KIF15: variants seen among roughly 807,000 people sequenced by gnomAD.
The protein encoded by KIF15 is kinesin family member 15, also known as kinesin-like protein KIF15.
A neutral mutation model predicts 190.6 loss-of-function variants in KIF15; 140 were observed. The ratio of observed to expected loss-of-function variants is 0.73; its 90% CI spans 0.64 to 0.84. KIF15 has a LOEUF of 0.84. Ranked by LOEUF, KIF15 falls within the 40% of genes least tolerant of loss-of-function variation. The pLI is 0.00. For missense variants in KIF15, 1,372 were observed against 1,584.4 expected (o/e 0.87, Z 2.28); for synonymous variants, 528 against 551.3 (o/e 0.96, Z 0.59).
intron 32 of KIF15, among the ~76,000 whole-genome samples, chr3:44,849,873 G>A (rs574844962): frequency 6.6e-6 from 1 of 152,144 alleles, no homozygotes; most frequent in Non-Finnish European, 1.5e-5. Flanking sequence ...ATTTTTATAA[G>A]TAATTATTAT....
intron 1 of KIF15, among the ~76,000 whole-genome samples, chr3:44,765,260 A>G (rs1270123041): frequency 6.6e-6 from 1 of 152,270 alleles, no homozygotes; most frequent in Non-Finnish European, 1.5e-5. Flanking sequence ...ACATAAGTGC[A>G]GATCAGTATC....
At chr3:44,808,186 A>T (rs1010062333) in intron 16 of KIF15, among the ~76,000 whole-genome samples, 1 of 152,216 alleles carries the variant, frequency 6.6e-6, no homozygotes, top group African/African-American at 2.4e-5. Flanking sequence ...CTTGCAGAAT[A>T]CTGCCAAATG....
At chr3:44,775,094 C>G (rs1379364790) in intron 2 of KIF15, among the ~76,000 whole-genome samples, 160 bp from the exon 3 acceptor site, 1 of 150,080 alleles carries the variant, frequency 6.7e-6, no homozygotes, top group Non-Finnish European at 1.5e-5. Context: ...GAATGAAACT[C>G]CATCTCAAAA....
chr3:44,793,854 A>ATTCTTGT (rs1462473453), intron 7 of KIF15, among the ~76,000 whole-genome samples: 1 of 143,966 alleles, frequency 6.9e-6, no homozygotes, highest in Non-Finnish European at 1.5e-5. Context: ...AAGTGTACCT[A>ATTCTTGT]TTCTTGTTCC....
At chr3:44,821,327 C>T (rs189655646) in intron 20 of KIF15, among the ~76,000 whole-genome samples, 2,804 of 150,928 alleles carry the variant, frequency 0.019, 78 homozygotes, top group African/African-American at 0.063. Context: ...CCTTCCTGGA[C>T]GGGGTGGCTG....
intron 1 of KIF15, among the ~76,000 whole-genome samples, chr3:44,763,364 C>T (rs1310299533): frequency 1.3e-5 from 2 of 152,112 alleles, no homozygotes; most frequent in African/African-American, 2.4e-5. Context: ...TGCAGTGGTG[C>T]GATATTGGCT....
intron 2 of KIF15, 101 bp downstream of exon 2, chr3:44,774,538 A>C: frequency 9.8e-7 from 1 of 1,019,842 alleles, no homozygotes; most frequent in Non-Finnish European, 1.5e-6. Context: ...TTCAAAATTT[A>C]ACTTAGTCCT....
At position 44,786,276 on chromosome 3, in the gene KIF15, T is replaced by C. The variant is rs1306542552; in HGVS notation, c.460-119T>C. On this transcript the variant is annotated intron_variant, in intron 6 of 34. Coordinates refer to ENST00000326047, the MANE Select transcript of KIF15 (RefSeq NM_020242.3). The stretch of plus-strand genomic sequence containing the variant: ...TTACTTTTAGGTATCTTATATTGTA[T>C]TAAAGGATAATAGCATAGGAAATTT... The C allele has an allele frequency of 4.0e-6, 3 of 754,236 alleles. No individual in the cohort carries two copies. The African/African-American group carries it at 5.3e-5, about 13-fold the overall frequency. 46.7% of individuals were successfully genotyped at this position (754,236 alleles called of 1,614,324 possible). A position where few individuals can be genotyped will look rare whatever the true frequency, so the allele number is the denominator to read the frequency against.
At chr3:44,834,685 G>T (rs2125705040) in intron 26 of KIF15, among the ~76,000 whole-genome samples, 1 of 152,084 alleles carries the variant, frequency 6.6e-6, no homozygotes, top group East Asian at 1.9e-4. Flanking sequence ...CACTTTTTGG[G>T]AGGCTGAGGT....
intron 3 of KIF15, among the ~76,000 whole-genome samples, chr3:44,776,637 C>T (rs903672221): frequency 5.3e-5 from 8 of 152,038 alleles, no homozygotes; most frequent in African/African-American, 1.9e-4. Flanking sequence ...GTTGAACTGC[C>T]TAATCTAAGG....
chr3:44,772,444 C>A (rs568666380), intron 1 of KIF15, among the ~76,000 whole-genome samples: 2 of 151,994 alleles, frequency 1.3e-5, no homozygotes, highest in East Asian at 3.9e-4. Flanking sequence ...TTAAGAGGGG[C>A]AAGACAAAAT....
At chr3:44,851,981 T>C in intron 33 of KIF15, 29 bp downstream of exon 33, 1 of 1,593,966 alleles carries the variant, frequency 6.3e-7, no homozygotes, top group Non-Finnish European at 8.5e-7. Context: ...GTTTTCATGA[T>C]ACTTAGAACA....
At chr3:44,785,336 G>T (rs1353960399) in intron 6 of KIF15, among the ~76,000 whole-genome samples, 3 of 152,230 alleles carry the variant, frequency 2.0e-5, no homozygotes, top group African/African-American at 7.2e-5. Flanking sequence ...GACTGCAGGT[G>T]TCCCTAAATC....
chr3:44,838,747 C>CAA (rs779928383), intron 27 of KIF15, among the ~76,000 whole-genome samples: 60 of 74,360 alleles, frequency 8.1e-4, no homozygotes, highest in South Asian at 1.8e-3. Context: ...GACCCTGTCT[C>CAA]AAAAAAAAAA....
chr3:44,775,300 G>C lies in KIF15; in HGVS notation c.109G>C (p.Ala37Pro), dbSNP rs768216013. The C allele has an allele frequency of 5.6e-6, 9 of 1,613,748 alleles. No homozygotes were observed. Among genetic ancestry groups the C allele is most frequent in the Non-Finnish European group, 7.6e-6 (9 of 1,179,958 alleles). The change falls in exon 3 of 35, where the codon GCA becomes CCA. Residue 37 changes from alanine (A) to proline (P), a missense_variant. Transcript: ENST00000326047. ...IKVFVRIRPP[A>P]ERSGSADGEQ... ...AGTTTTTGTGCGAATTCGTCCTCCT[G>C]CAGAAAGATCTGGGTCAGCTGATGG...
At chr3:44,852,621 G>A (rs1464951822) in intron 34 of KIF15, 52 bp from the exon 35 acceptor site, 1 of 1,368,218 alleles carries the variant, frequency 7.3e-7, no homozygotes. Context: ...ACCACTTCCT[G>A]TAAGAATTAG....
chr3:44,818,421 A>T (rs1055129378), intron 20 of KIF15, among the ~76,000 whole-genome samples: 7 of 152,188 alleles, frequency 4.6e-5, no homozygotes, highest in African/African-American at 1.7e-4. Context: ...CGTTCCATCA[A>T]TATCTAGTTT....
intron 10 of KIF15, among the ~76,000 whole-genome samples, chr3:44,798,277 C>T (rs1390149350): frequency 2.0e-5 from 3 of 151,912 alleles, no homozygotes; most frequent in Non-Finnish European, 4.4e-5. Context: ...ATCCTCCTGC[C>T]TCAGCCTCCT....
chr3:44,776,171 T>A (rs943861633), intron 3 of KIF15, among the ~76,000 whole-genome samples: 4 of 152,050 alleles, frequency 2.6e-5, no homozygotes, highest in Non-Finnish European at 5.9e-5. Flanking sequence ...ATAAATATTT[T>A]AAATTTAATC....
Sources: allele counts gnomAD v4.1 joint callset (sites outside exome capture counted in the v4.1 genomes callset), GRCh38; gene constraint gnomAD v4.1.1; transcripts MANE v1.5; gene names NCBI Gene and HGNC (gene_info 2026-07-23, HGNC 2026-07-21).